Variants in TLK1 observed in about 807,000 individuals in gnomAD.
TLK1 encodes serine/threonine-protein kinase tousled-like 1.
TLK1 carries 24 observed loss-of-function variants against 105.3 expected under a neutral mutation model. That is an observed-to-expected ratio of 0.23 (90% CI 0.17 to 0.32). The LOEUF is 0.32. Ranked by LOEUF, TLK1 falls within the 10% of genes least tolerant of loss-of-function variation. The pLI is 1.00. For missense variants in TLK1, 558 were observed against 910.5 expected (o/e 0.61, Z 4.98); for synonymous variants, 321 against 310.4 (o/e 1.03, Z -0.36).
intron 20 of TLK1, among the ~76,000 whole-genome samples, chr2:170,994,895 G>C (rs1160761432): frequency 6.6e-6 from 1 of 152,030 alleles, no homozygotes; most frequent in African/African-American, 2.4e-5. Context: ...GGAGGTAACT[G>C]GTAATTGTTT....
chr2:171,160,562 G>A lies in TLK1; in HGVS notation c.-134C>T. ...GCGAGGGCTGGGAGGGGAGAGTCAA[G>A]GGGATGGGGGAGGAAACCGAGAAGA... is the stretch of plus-strand genomic sequence containing the variant. On this transcript the variant is annotated 5_prime_UTR_variant, in exon 1 of 21. Transcript: ENST00000431350. The surrounding 1 kb of genome is among the most constrained non-coding windows in gnomAD (Gnocchi z 4.4). The A allele has an allele frequency of 2.0e-6, 3 of 1,474,372 alleles. No individual in the cohort carries two copies. The highest frequency in any genetic ancestry group is 2.7e-6 in the Non-Finnish European group (3 of 1,098,702). 91.3% of individuals were successfully genotyped at this position (1,474,372 alleles called of 1,614,324 possible).
At chr2:171,209,913 T>C (rs1322224868) in intron 1 of TLK1, among the ~76,000 whole-genome samples, 1 of 152,158 alleles carries the variant, frequency 6.6e-6, no homozygotes, top group Admixed American at 6.5e-5. Flanking sequence ...CCATGAAACT[T>C]TGTTACCGCA....
intron 1 of TLK1, among the ~76,000 whole-genome samples, chr2:171,206,632 A>G (rs1186921910): frequency 6.6e-6 from 1 of 152,228 alleles, no homozygotes; most frequent in Non-Finnish European, 1.5e-5. Flanking sequence ...AGCAAATAAA[A>G]AGAATGCATT....
chr2:171,090,470 T>G (rs1041609404), intron 2 of TLK1, among the ~76,000 whole-genome samples: 14 of 152,240 alleles, frequency 9.2e-5, no homozygotes, highest in African/African-American at 3.4e-4. Flanking sequence ...TGTGTTCAGT[T>G]TGTGAACATT....
chr2:171,164,095 T>C (rs886479836), upstream of TLK1, among the ~76,000 whole-genome samples: 3 of 152,244 alleles, frequency 2.0e-5, no homozygotes, highest in South Asian at 6.2e-4. Context: ...TTACAGCATA[T>C]ACATGATCAA....
chr2:171,201,518 T>C (rs1329483680), intron 1 of TLK1, among the ~76,000 whole-genome samples: 1 of 152,196 alleles, frequency 6.6e-6, no homozygotes, highest in Non-Finnish European at 1.5e-5. Context: ...ACACATTTGA[T>C]AGGTGATCAT....
At chr2:171,017,279 G>T (rs537353782) in intron 12 of TLK1, among the ~76,000 whole-genome samples, 10 of 152,006 alleles carry the variant, frequency 6.6e-5, no homozygotes, top group Admixed American at 2.6e-4. Context: ...AATCTAGAAA[G>T]CAATGACTCT....
Position 170,993,805 on chromosome 2 carries a change from GGGGGTGT to G in TLK1, c.2269_2275del (p.Thr757LeufsTer5), listed in dbSNP as rs1194394518. The G allele has an allele frequency of 6.3e-7, 1 of 1,598,008 alleles. No homozygotes were observed. The highest frequency in any genetic ancestry group is 1.3e-5 in the African/African-American group (1 of 74,246). ...TCAGTAAGTAATTATGCTTGAAGAA[GGGGGTGT>G]AGGGGATGCTGTCAGCCCAGCCATG... On this transcript the variant is annotated frameshift_variant, in exon 21 of 21. Transcript: ENST00000431350. LOFTEE classifies it high-confidence loss of function.
chr2:171,020,644 G>A (rs1685452680), intron 12 of TLK1, among the ~76,000 whole-genome samples: 1 of 151,878 alleles, frequency 6.6e-6, no homozygotes, highest in Admixed American at 6.6e-5. Context: ...TCCTTATTAT[G>A]TCACCATATT....
At chr2:171,208,367 TTTTA>T (rs1282751561) in intron 1 of TLK1, among the ~76,000 whole-genome samples, 4 of 147,666 alleles carry the variant, frequency 2.7e-5, no homozygotes, top group Admixed American at 1.4e-4. Context: ...CATTGAAGGA[TTTTA>T]ATTAATTATG....
At chr2:171,100,541 T>C (rs898516024) in intron 2 of TLK1, among the ~76,000 whole-genome samples, 1 of 152,174 alleles carries the variant, frequency 6.6e-6, no homozygotes, top group Non-Finnish European at 1.5e-5. Context: ...GCCAAGGCCA[T>C]GTCCTTGAAC....
In TLK1 at chr2:170,993,716, C is replaced by T; in HGVS notation, c.*64G>A. The T allele has an allele frequency of 2.9e-6, 3 of 1,026,138 alleles. No individual in the cohort carries two copies. The highest frequency in any genetic ancestry group is 4.0e-6 in the Non-Finnish European group (3 of 755,154). The allele number at this position is 1,026,138 out of a possible 1,614,324, so 63.6% of individuals were successfully genotyped here. ...GAAAAAGAAAACAAACACTCAAATG[C>T]TCTCAAACTTAAGTGTGCATCTGGA... is the stretch of plus-strand genomic sequence containing the variant. On this transcript the variant is annotated 3_prime_UTR_variant, in exon 21 of 21. Coordinates refer to ENST00000431350, the MANE Select transcript of TLK1 (RefSeq NM_012290.5).
intron 1 of TLK1, among the ~76,000 whole-genome samples, chr2:171,150,440 A>C (rs531727417): frequency 6.6e-6 from 1 of 152,330 alleles, no homozygotes; most frequent in Admixed American, 6.5e-5. Flanking sequence ...CACCTCATCC[A>C]ATTCATGTCA....
At position 171,210,851 on chromosome 2, in the gene TLK1, A is replaced by G. The variant is rs576357542; in HGVS notation, c.-6+20294T>C. 2.0e-5 allele frequency among the ~76,000 whole-genome samples: 3 copies of G among 152,310 alleles called. No homozygotes were observed. The South Asian group carries it at 6.2e-4, about 32-fold the overall frequency. The stretch of plus-strand genomic sequence containing the variant: ...AAGAAATCTAGGAACTGATAACAGG[A>G]TCTAGGCTTCTCTGACTGTTACCAG... On this transcript the variant is annotated intron_variant, in intron 1 of 20. Transcript: ENST00000521943.
At chr2:171,085,360 A>G (rs1688925109) in intron 2 of TLK1, among the ~76,000 whole-genome samples, 1 of 151,956 alleles carries the variant, frequency 6.6e-6, no homozygotes, top group Admixed American at 6.6e-5. Context: ...ATTGCACTCC[A>G]GCCTGGGCAA....
chr2:171,007,180 T>C (rs1169200727), intron 14 of TLK1, 117 bp from the exon 15 acceptor site: 8 of 706,906 alleles, frequency 1.1e-5, no homozygotes, highest in Non-Finnish European at 1.6e-5. Context: ...ACCCTACAAT[T>C]ATTAATGATC....
At chr2:171,110,136 C>T (rs1247381113) in intron 2 of TLK1, among the ~76,000 whole-genome samples, 1 of 152,138 alleles carries the variant, frequency 6.6e-6, no homozygotes, top group Non-Finnish European at 1.5e-5. Flanking sequence ...TCCTAATTAT[C>T]AAAACACTGG....
intron 2 of TLK1, among the ~76,000 whole-genome samples, chr2:171,099,731 G>T (rs1046090447): frequency 1.3e-5 from 2 of 152,136 alleles, no homozygotes; most frequent in African/African-American, 4.8e-5. Flanking sequence ...TTTGACAAAG[G>T]TTCCAGGACA....
At position 171,055,172 on chromosome 2, in the gene TLK1, C is replaced by A. The variant is rs200552650; in HGVS notation, c.550G>T (p.Val184Phe). 2 of 1,368,282 alleles carry A rather than the reference C, an allele frequency of 1.5e-6. No individual in the cohort carries two copies. Among genetic ancestry groups the A allele is most frequent in the Non-Finnish European group, 1.9e-6 (2 of 1,040,578 alleles). 84.8% of individuals were successfully genotyped at this position (1,368,282 alleles called of 1,614,324 possible). A position where few individuals can be genotyped will look rare whatever the true frequency, so the allele number is the denominator to read the frequency against. ...SHSHSTPSSS[V>F]RPNSPSPTAL... ...GTAGGAGAAGGGCTATTCGGTCGAACCTAAAGAAATTATTAAAATTTTTAT... is the reference window on the plus strand; with the variant it reads ...GTAGGAGAAGGGCTATTCGGTCGAAACTAAAGAAATTATTAAAATTTTTAT... The change falls in exon 7 of 21, where the codon GTT becomes TTT. Residue 184 changes from valine (V) to phenylalanine (F), a missense_variant and splice_region_variant. Val to Phe is a conservative substitution (Grantham distance 50, BLOSUM62 -1). This residue lies in a region of TLK1 where 196 missense variants were observed against 239.3 expected (regional missense o/e 0.82). Transcript: ENST00000431350.
Sources: gnomAD v4.1 joint callset for allele counts (sites outside exome capture counted in the v4.1 genomes callset) on GRCh38, gnomAD v4.1.1 for gene constraint, gnomAD v4.1.1 regional missense constraint, Gnocchi (gnomAD v3.1) non-coding constraint, MANE v1.5 for transcripts, NCBI Gene and HGNC (gene_info 2026-07-23, HGNC 2026-07-21) for gene names.